MDN1: variants seen among roughly 807,000 people sequenced by gnomAD.
MDN1 encodes midasin.
A neutral mutation model predicts 669.2 loss-of-function variants in MDN1; 266 were observed. The observed-to-expected ratio is 0.40, with a 90% CI of 0.36 to 0.44. The LOEUF is 0.44. MDN1 is among the 20% of genes least tolerant of loss of function. MDN1 has a pLI of 1.00. For missense variants in MDN1, 5,940 were observed against 6,754.0 expected (o/e 0.88, Z 4.22); for synonymous variants, 2,385 against 2,457.1 (o/e 0.97, Z 0.87).
chr6:89,724,016 G>A (rs148390272), intron 38 of MDN1, among the ~76,000 whole-genome samples: 1,926 of 152,094 alleles, frequency 0.013, 18 homozygotes, highest in Non-Finnish European at 0.019. Flanking sequence ...AGTGGCATGC[G>A]CCTGTAGTCT....
chr6:89,689,816 C>G, intron 65 of MDN1, 54 bp downstream of exon 65: 1 of 1,557,512 alleles, frequency 6.4e-7, no homozygotes, highest in Non-Finnish European at 8.8e-7. Flanking sequence ...GCAACAGCAT[C>G]TATTTGCATT....
intron 24 of MDN1, 41 bp downstream of exon 24, chr6:89,750,313 G>A (rs1204237520): frequency 5.9e-6 from 9 of 1,536,074 alleles, no homozygotes; most frequent in Non-Finnish European, 8.0e-6. Context: ...GTGTGTGAAA[G>A]AATAAACACC....
chr6:89,810,664 C>T (rs1768354540), intron 1 of MDN1, among the ~76,000 whole-genome samples: 1 of 152,124 alleles, frequency 6.6e-6, no homozygotes, highest in African/African-American at 2.4e-5. Flanking sequence ...GTCATCGCCA[C>T]ATGGCCATCT....
intron 95 of MDN1, 51 bp downstream of exon 95, chr6:89,652,141 C>CAA: frequency 1.4e-6 from 2 of 1,465,924 alleles, no homozygotes. Flanking sequence ...GTTGAACAAA[C>CAA]AAAAAAAAAG....
At chr6:89,737,274 TTC>T (rs1816035315) in intron 33 of MDN1, among the ~76,000 whole-genome samples, 1 of 152,124 alleles carries the variant, frequency 6.6e-6, no homozygotes, top group African/African-American at 2.4e-5. Context: ...TGAGAATGGG[TTC>T]CATGCAGATT....
chr6:89,685,039 G>A (rs1480156080), intron 70 of MDN1, 54 bp from the exon 71 acceptor site: 1 of 1,201,882 alleles, frequency 8.3e-7, no homozygotes, highest in Non-Finnish European at 1.2e-6. Context: ...TGTGCTACTG[G>A]TGCCAGCTGT....
At position 89,693,070 on chromosome 6, in the gene MDN1, C is replaced by T; in HGVS notation, c.9960G>A (p.Leu3320=). ...LLKKQAFRPQ[L]PAYESLVQEI... is the part of the protein sequence containing the mutation. ...CCTGAACCAGGGACTCGTAGGCAGGCAGCTGGGGTCTAAAGGCCTGTTTCT... is the reference window on the plus strand; with the variant it reads ...CCTGAACCAGGGACTCGTAGGCAGGTAGCTGGGGTCTAAAGGCCTGTTTCT... The change falls in exon 63 of 102, where the codon CTG becomes CTA. Residue 3320 remains leucine (L), a synonymous_variant. Coordinates refer to ENST00000369393, the MANE Select transcript of MDN1 (RefSeq NM_014611.3). The T allele has an allele frequency of 6.2e-7, 1 of 1,614,074 alleles. No individual in the cohort carries two copies. The highest frequency in any genetic ancestry group is 8.5e-7 in the Non-Finnish European group (1 of 1,179,994).
In MDN1 at chr6:89,662,842, CAT is replaced by C; in HGVS notation, c.14360_14361del (p.Asp4787GlyfsTer7). The C allele has an allele frequency of 1.2e-6, 2 of 1,605,320 alleles. No individual in the cohort carries two copies. Among genetic ancestry groups the C allele is most frequent in the Non-Finnish European group, 1.7e-6 (2 of 1,172,252 alleles). On this transcript the variant is annotated frameshift_variant, in exon 86 of 102. Coordinates refer to ENST00000369393, the MANE Select transcript of MDN1 (RefSeq NM_014611.3). LOFTEE classifies it high-confidence loss of function. ...TCAGTTTTATTGTCTTCTTCCTCCT[CAT>C]CTTCCTCCTCATCATCATCACCCCA... ...RLWGDDDEEE[D>X]EEEEDNKTEE...
chr6:89,741,587 T>A (rs991891495), intron 31 of MDN1, among the ~76,000 whole-genome samples: 3 of 152,092 alleles, frequency 2.0e-5, no homozygotes, highest in African/African-American at 7.2e-5. Context: ...ATTGCTCCTA[T>A]AAGATAACAT....
Position 89,649,886 on chromosome 6 carries a change from T to TA in MDN1, c.16206+137dup, listed in dbSNP as rs997535120. 7.6e-6 allele frequency: 7 copies of TA among 920,038 alleles called. No homozygotes were observed. In the Admixed American group the frequency reaches 1.8e-4, roughly 24 times the overall value. 57.0% of individuals were successfully genotyped at this position (920,038 alleles called of 1,614,324 possible). ...GGTTATCACATTCTCAAAACAGGCCTAACAGGTATTTCAAAATGTTTTAGC... is the reference window on the plus strand; with the variant it reads ...GGTTATCACATTCTCAAAACAGGCCTAAACAGGTATTTCAAAATGTTTTAGC... On this transcript the variant is annotated intron_variant, in intron 97 of 101. Transcript: ENST00000369393.
At chr6:89,710,019 A>G (rs1474508438) in intron 50 of MDN1, among the ~76,000 whole-genome samples, 1 of 151,860 alleles carries the variant, frequency 6.6e-6, no homozygotes, top group Non-Finnish European at 1.5e-5. Flanking sequence ...TCCTCTCTCA[A>G]CCTCCCAGGT....
intron 2 of MDN1, among the ~76,000 whole-genome samples, chr6:89,799,756 T>C (rs1767507662): frequency 1.3e-5 from 2 of 152,242 alleles, no homozygotes; most frequent in African/African-American, 2.4e-5. Context: ...GGAAAAAGTG[T>C]ATACACATTT....
chr6:89,740,413 T>A, intron 31 of MDN1, 35 bp from the exon 32 acceptor site: 1 of 1,537,916 alleles, frequency 6.5e-7, no homozygotes, highest in Non-Finnish European at 8.7e-7. Flanking sequence ...GAAAAGGGCT[T>A]ATACAATCTT....
Position 89,696,509 on chromosome 6 carries a change from C to G in MDN1, c.9234G>C (p.Trp3078Cys). 6.2e-7 allele frequency: 1 copy of G among 1,614,182 alleles called. No homozygotes were observed. The highest frequency in any genetic ancestry group is 8.5e-7 in the Non-Finnish European group (1 of 1,180,022). Residue 3078 changes from tryptophan to cysteine, a missense_variant, in exon 60 of 102, where the codon TGG (tryptophan) becomes TGC (cysteine). Physicochemically the swap from Trp to Cys is radical, Grantham distance 215. Around this residue, in one of 5 missense-constraint regions of MDN1, gnomAD observed 2,292 missense variants for 2,638.3 expected, o/e 0.87. Transcript: ENST00000369393. ...CACTCACATCCCAGGGACTTGCTCTCCAGCTGCTGGTTAAGACTTCAAAGC... is the reference window on the plus strand; with the variant it reads ...CACTCACATCCCAGGGACTTGCTCTGCAGCTGCTGGTTAAGACTTCAAAGC... Reference protein sequence around the residue: ...KCCFEVLTSSWRASPWDVSGL... With the variant: ...KCCFEVLTSSCRASPWDVSGL...
intron 1 of MDN1, among the ~76,000 whole-genome samples, chr6:89,808,837 C>T (rs943791218): frequency 2.0e-5 from 3 of 152,104 alleles, no homozygotes; most frequent in Non-Finnish European, 2.9e-5. Context: ...AATGTTTGAA[C>T]GTTTTTCATA....
chr6:89,774,923 A>G (rs1259450740), intron 12 of MDN1, among the ~76,000 whole-genome samples, 190 bp from the exon 13 acceptor site: 2 of 152,186 alleles, frequency 1.3e-5, no homozygotes, highest in East Asian at 3.8e-4. Flanking sequence ...TTTTCACAAC[A>G]TTTATCATGT....
intron 39 of MDN1, 98 bp downstream of exon 39, chr6:89,723,414 G>T: frequency 1.2e-6 from 1 of 800,304 alleles, no homozygotes; most frequent in East Asian, 2.8e-5. Flanking sequence ...ATTTTTTTTA[G>T]TTAGAGATCC....
intron 30 of MDN1, 55 bp downstream of exon 30, chr6:89,743,521 T>C (rs1046340622): frequency 5.6e-5 from 89 of 1,580,702 alleles, no homozygotes; most frequent in Non-Finnish European, 7.3e-5. Flanking sequence ...CACTAACTCA[T>C]GCACAGCTAA....
intron 33 of MDN1, among the ~76,000 whole-genome samples, chr6:89,736,960 C>A (rs1227178553): frequency 3.3e-5 from 5 of 152,154 alleles, no homozygotes; most frequent in African/African-American, 1.2e-4. Context: ...GTTAGACAGA[C>A]AAATTCTCTG....
Sources: allele counts gnomAD v4.1 joint callset (sites outside exome capture counted in the v4.1 genomes callset), GRCh38; gene constraint gnomAD v4.1.1; regional missense constraint gnomAD v4.1.1; transcripts MANE v1.5; gene names NCBI Gene and HGNC (gene_info 2026-07-23, HGNC 2026-07-21).